GALNT17: variants seen among roughly 807,000 people sequenced by gnomAD.
The protein encoded by GALNT17 is UDP-GalNAc:polypeptide N-acetylgalactosaminyltransferase-like 3.
In GALNT17, 29 loss-of-function variants were observed where a neutral mutation model predicts 63.7. The ratio of observed to expected loss-of-function variants is 0.46; its 90% CI spans 0.34 to 0.62. GALNT17 has a LOEUF of 0.62. Among genes scored for constraint, GALNT17 ranks in the 20% least tolerant of loss-of-function variants. The pLI, the probability that GALNT17 is intolerant of heterozygous loss-of-function variation, is 0.01. For synonymous variants in GALNT17, 305 were observed against 318.3 expected, an observed-to-expected ratio of 0.96 and a Z score of 0.45; for missense variants, 603 against 799.6, an observed-to-expected ratio of 0.75 and a Z score of 2.97.
chr7:71,571,159 CCCAGTACATGCTAGGCTGGAA>C (rs1554310505), intron 5 of GALNT17, 105 bp from the exon 6 acceptor site: 13 of 358,886 alleles, frequency 3.6e-5, no homozygotes, highest in Non-Finnish European at 5.4e-5. Flanking sequence ...TAGGCTGGAA[CCCAGTACATGCTAGGCTGGAA>C]CCAGTACATG....
Position 71,665,605 on chromosome 7 carries a change from C to A in GALNT17, c.1266+9C>A. 6.2e-7 allele frequency: 1 copy of A among 1,611,150 alleles called. No homozygotes were observed. Among genetic ancestry groups the A allele is most frequent in the Admixed American group, 1.7e-5 (1 of 59,312 alleles). ...GGAACCTGCCGCTGGAGGTAGGGAT[C>A]ACCAGCCTTTCCCCACCACCCCAGT... On this transcript the variant is annotated intron_variant, in intron 7 of 10. Coordinates refer to ENST00000333538, the MANE Select transcript of GALNT17 (RefSeq NM_022479.3).
chr7:71,404,297 CTTTGGTA>C (rs781598032), intron 3 of GALNT17, among the ~76,000 whole-genome samples: 29 of 152,208 alleles, frequency 1.9e-4, no homozygotes, highest in Non-Finnish European at 5.9e-5. Flanking sequence ...TGGTTTAACA[CTTTGGTA>C]TTTTGCACCT....
chr7:71,166,176 T>G (rs1166251018), intron 1 of GALNT17, among the ~76,000 whole-genome samples: 2 of 152,210 alleles, frequency 1.3e-5, no homozygotes, highest in Non-Finnish European at 2.9e-5. Flanking sequence ...AGAGCAGCCT[T>G]GTAGCGCTAA....
chr7:71,471,072 T>C (rs1332980883), intron 5 of GALNT17, among the ~76,000 whole-genome samples: 1 of 151,996 alleles, frequency 6.6e-6, no homozygotes, highest in Non-Finnish European at 1.5e-5. Context: ...TTTCCTCTTT[T>C]TTCTGTTTTT....
At chr7:71,373,143 A>G (rs1012259370) in intron 2 of GALNT17, among the ~76,000 whole-genome samples, 2 of 152,148 alleles carry the variant, frequency 1.3e-5, no homozygotes, top group Non-Finnish European at 2.9e-5. Flanking sequence ...TCTTGTCTTG[A>G]GCTGGCTGGA....
At chr7:71,546,985 G>T (rs1173951128) in intron 5 of GALNT17, among the ~76,000 whole-genome samples, 1 of 151,712 alleles carries the variant, frequency 6.6e-6, no homozygotes, top group Non-Finnish European at 1.5e-5. Flanking sequence ...CTGTTTCTTT[G>T]GTTTTCTTTT....
intron 5 of GALNT17, among the ~76,000 whole-genome samples, chr7:71,486,885 G>T (rs1358850659): frequency 1.3e-5 from 2 of 150,838 alleles, no homozygotes; most frequent in African/African-American, 4.9e-5. Flanking sequence ...AAAAAAAAAC[G>T]CACTTCTTGC....
intron 1 of GALNT17, among the ~76,000 whole-genome samples, chr7:71,199,344 C>A (rs1440067230): frequency 6.6e-6 from 1 of 152,116 alleles, no homozygotes; most frequent in East Asian, 1.9e-4. Context: ...ATTTTTGTAA[C>A]CCATTGGCAT....
intron 1 of GALNT17, among the ~76,000 whole-genome samples, chr7:71,294,775 A>T (rs1249487482): frequency 6.6e-6 from 1 of 152,070 alleles, no homozygotes; most frequent in Admixed American, 6.6e-5. Flanking sequence ...TGTATATTCA[A>T]ATGCTTTATG....
chr7:71,297,735 A>G (rs1217899956), intron 1 of GALNT17, among the ~76,000 whole-genome samples: 2 of 152,266 alleles, frequency 1.3e-5, no homozygotes, highest in African/African-American at 4.8e-5. Context: ...TTCATTCTAT[A>G]GAGTACCATT....
intron 2 of GALNT17, among the ~76,000 whole-genome samples, chr7:71,345,678 A>G (rs1334895642): frequency 1.3e-5 from 2 of 152,132 alleles, no homozygotes; most frequent in Non-Finnish European, 2.9e-5. Context: ...TGTGACTCGT[A>G]TGTGTATGTG....
Position 71,504,214 on chromosome 7 carries a change from G to A in GALNT17, c.963-67071G>A, listed in dbSNP as rs537735631. On this transcript the variant is annotated intron_variant, in intron 5 of 10. Coordinates refer to ENST00000333538, the MANE Select transcript of GALNT17 (RefSeq NM_022479.3). Reference sequence around the variant, plus strand: ...TGCACTCCAGCCTGGGTGACAGAGCGAGACTCCATCTCAAAAAAAAAAAAA... The same window carrying A: ...TGCACTCCAGCCTGGGTGACAGAGCAAGACTCCATCTCAAAAAAAAAAAAA... Among the ~76,000 whole-genome samples the A allele has an allele frequency of 1.1e-4, 16 of 148,072 alleles. No homozygotes were observed. The East Asian group carries it at 1.2e-3, about 11-fold the overall frequency.
At chr7:71,418,470 G>A (rs1165519450) in intron 4 of GALNT17, among the ~76,000 whole-genome samples, 2 of 152,178 alleles carry the variant, frequency 1.3e-5, no homozygotes, top group Non-Finnish European at 2.9e-5. Context: ...TCTGGCTGTG[G>A]CTGTGCTTGA....
chr7:71,348,381 C>T (rs1429396400), intron 2 of GALNT17, among the ~76,000 whole-genome samples: 1 of 152,170 alleles, frequency 6.6e-6, no homozygotes, highest in Non-Finnish European at 1.5e-5. Context: ...TAGATCTTTT[C>T]TTGGAACTTG....
chr7:71,315,141 G>A (rs34702051), intron 1 of GALNT17, among the ~76,000 whole-genome samples: 9,489 of 151,958 alleles, frequency 0.062, 321 homozygotes, highest in Non-Finnish European at 0.086. Flanking sequence ...TTTTTTTGTC[G>A]GCCTTTATTC....
intron 1 of GALNT17, among the ~76,000 whole-genome samples, chr7:71,186,410 C>T (rs773902385): frequency 5.9e-5 from 9 of 152,186 alleles, no homozygotes; most frequent in Non-Finnish European, 1.3e-4. Flanking sequence ...TCACCCCTGC[C>T]GCAGGCCTAA....
intron 1 of GALNT17, among the ~76,000 whole-genome samples, chr7:71,174,849 G>A (rs967320343): frequency 6.6e-6 from 1 of 152,094 alleles, no homozygotes; most frequent in Non-Finnish European, 1.5e-5. Context: ...GGGATATGAT[G>A]GCTTAGCGTG....
At chr7:71,482,306 C>T (rs1020549426) in intron 5 of GALNT17, among the ~76,000 whole-genome samples, 1 of 152,038 alleles carries the variant, frequency 6.6e-6, no homozygotes, top group Non-Finnish European at 1.5e-5. Context: ...CCTGCCACCA[C>T]GCCAGGTGAT....
chr7:71,258,007 G>A (rs963520329), intron 1 of GALNT17, among the ~76,000 whole-genome samples: 2 of 152,020 alleles, frequency 1.3e-5, no homozygotes, highest in Non-Finnish European at 2.9e-5. Flanking sequence ...CGCTCCCCTC[G>A]GCCGTATCCA....
Sources: allele counts gnomAD v4.1 joint callset (sites outside exome capture counted in the v4.1 genomes callset), GRCh38; gene constraint gnomAD v4.1.1; transcripts MANE v1.5; gene names NCBI Gene and HGNC (gene_info 2026-07-23, HGNC 2026-07-21).